Variants in GSK3B observed in about 807,000 individuals in gnomAD.
GSK3B encodes the protein glycogen synthase kinase-3 beta.
A neutral mutation model predicts 56.4 loss-of-function variants in GSK3B; 15 were observed. The observed-to-expected ratio is 0.27, with a 90% CI of 0.18 to 0.41. The LOEUF is 0.41. Among genes scored for constraint, GSK3B ranks in the 10% least tolerant of loss-of-function variants. GSK3B has a pLI of 1.00. For synonymous variants in GSK3B, 181 were observed against 188.9 expected (o/e 0.96, Z 0.34); for missense variants, 300 against 513.4 (o/e 0.58, Z 4.02).
At chr3:119,898,873 A>G (rs1576184122) in intron 7 of GSK3B, among the ~76,000 whole-genome samples, 1 of 152,196 alleles carries the variant, frequency 6.6e-6, no homozygotes, top group Non-Finnish European at 1.5e-5. Context: ...GATATACTGT[A>G]AAGTTCTGTG....
At position 119,993,190 on chromosome 3, in the gene GSK3B, A is replaced by C. The variant is rs2057582493; in HGVS notation, c.282+8856T>G. ...GCACAAACGAGCAGGTATGTGTAAAACAAAACTGAGGAAAAGTAAGCCAGA... is the reference window on the plus strand; with the variant it reads ...GCACAAACGAGCAGGTATGTGTAAACCAAAACTGAGGAAAAGTAAGCCAGA... On this transcript the variant is annotated intron_variant, in intron 2 of 10. Coordinates refer to ENST00000264235, the MANE Select transcript of GSK3B (RefSeq NM_001146156.2). Among the ~76,000 whole-genome samples, 3 of 152,096 alleles carry C rather than the reference A, an allele frequency of 2.0e-5. 1 individual carries two copies. In the South Asian group the frequency reaches 6.2e-4, roughly 31 times the overall value.
At chr3:119,909,531 CCTGG>C (rs566369694) in intron 6 of GSK3B, among the ~76,000 whole-genome samples, 78 of 152,344 alleles carry the variant, frequency 5.1e-4, no homozygotes, top group African/African-American at 1.8e-3. Flanking sequence ...TCTGTTCACT[CCTGG>C]CTAGTGGGCT....
At chr3:120,078,060 A>G (rs770715975) in intron 1 of GSK3B, among the ~76,000 whole-genome samples, 29 of 152,280 alleles carry the variant, frequency 1.9e-4, no homozygotes, top group African/African-American at 6.0e-4. Context: ...CTGAATCTGA[A>G]TTCTAAAATT....
chr3:119,884,675 AT>A (rs2056415133), intron 7 of GSK3B, among the ~76,000 whole-genome samples: 4 of 141,446 alleles, frequency 2.8e-5, no homozygotes, highest in African/African-American at 8.1e-5. Flanking sequence ...TTAAAAAGTC[AT>A]TTTCTTAAAC....
intron 9 of GSK3B, among the ~76,000 whole-genome samples, chr3:119,853,658 C>T (rs985632919): frequency 1.3e-5 from 2 of 152,068 alleles, no homozygotes; most frequent in Non-Finnish European, 2.9e-5. Flanking sequence ...GTTGGATTCC[C>T]AGGTATTTTA....
chr3:120,004,307 T>C (rs192724730), intron 1 of GSK3B, among the ~76,000 whole-genome samples: 1 of 152,348 alleles, frequency 6.6e-6, no homozygotes, highest in Admixed American at 6.5e-5. Context: ...CAAGGCCTAC[T>C]GCCTCTCTAG....
chr3:120,047,937 T>C (rs994400410), intron 1 of GSK3B, among the ~76,000 whole-genome samples: 3 of 152,208 alleles, frequency 2.0e-5, no homozygotes, highest in African/African-American at 7.2e-5. Context: ...TACCTCCAAG[T>C]GTTTTTTAAG....
At chr3:119,969,968 G>T (rs1488990788) in intron 2 of GSK3B, among the ~76,000 whole-genome samples, 1 of 152,108 alleles carries the variant, frequency 6.6e-6, no homozygotes, top group Non-Finnish European at 1.5e-5. Context: ...TGTCCATACT[G>T]AACATGTTAC....
intron 2 of GSK3B, among the ~76,000 whole-genome samples, chr3:119,968,584 G>A (rs2057339604): frequency 6.6e-6 from 1 of 152,052 alleles, no homozygotes. Context: ...AAAAGCATTT[G>A]GTAAAATTCA....
At chr3:119,986,929 A>G (rs2057521906) in intron 2 of GSK3B, among the ~76,000 whole-genome samples, 1 of 152,204 alleles carries the variant, frequency 6.6e-6, no homozygotes, top group African/African-American at 2.4e-5. Flanking sequence ...ACCAACGCAA[A>G]TGTCCATCAA....
At chr3:119,836,558 C>T (rs776225589) in intron 10 of GSK3B, among the ~76,000 whole-genome samples, 1 of 152,006 alleles carries the variant, frequency 6.6e-6, no homozygotes, top group African/African-American at 2.4e-5. Context: ...GAAATTTCCC[C>T]GTCTTAAAAA....
intron 1 of GSK3B, among the ~76,000 whole-genome samples, chr3:120,073,179 C>T (rs1353495215): frequency 1.4e-5 from 2 of 147,006 alleles, no homozygotes; most frequent in East Asian, 4.0e-4. Context: ...TTAAGCCCAG[C>T]CTGGACAACA....
At chr3:119,970,454 A>T (rs1228188137) in intron 2 of GSK3B, among the ~76,000 whole-genome samples, 1 of 152,120 alleles carries the variant, frequency 6.6e-6, no homozygotes, top group Non-Finnish European at 1.5e-5. Flanking sequence ...AAGCCTTGGG[A>T]TACCCTGCTG....
chr3:120,000,194 GAACAGTCTGAAT>G (rs2057662414), intron 2 of GSK3B, among the ~76,000 whole-genome samples: 1 of 152,120 alleles, frequency 6.6e-6, no homozygotes, highest in Non-Finnish European at 1.5e-5. Flanking sequence ...TGAGCAAATG[GAACAGTCTGAAT>G]AACAGTGAAT....
intron 1 of GSK3B, among the ~76,000 whole-genome samples, chr3:120,081,073 A>C (rs995862437): frequency 6.6e-6 from 1 of 152,110 alleles, no homozygotes; most frequent in Non-Finnish European, 1.5e-5. Flanking sequence ...TAGTAGCGTC[A>C]TATGCTCAAT....
intron 6 of GSK3B, among the ~76,000 whole-genome samples, chr3:119,908,579 G>C (rs1344338001): frequency 6.6e-6 from 1 of 152,152 alleles, no homozygotes; most frequent in Non-Finnish European, 1.5e-5. Context: ...AATATTCTTT[G>C]TACTATTTTT....
chr3:119,911,278 A>G (rs535616716), intron 6 of GSK3B, among the ~76,000 whole-genome samples: 4 of 152,314 alleles, frequency 2.6e-5, no homozygotes, highest in East Asian at 3.9e-4. Flanking sequence ...CTGGAGTAGT[A>G]GGTCTCAGCA....
chr3:119,855,543 G>A (rs1019102949), intron 9 of GSK3B, among the ~76,000 whole-genome samples: 8 of 152,108 alleles, frequency 5.3e-5, no homozygotes, highest in Non-Finnish European at 8.8e-5. Flanking sequence ...AGTTTATTGC[G>A]GCACTATTCA....
intron 3 of GSK3B, among the ~76,000 whole-genome samples, chr3:119,940,873 T>G (rs904378120): frequency 2.6e-5 from 4 of 152,202 alleles, no homozygotes; most frequent in African/African-American, 9.6e-5. Context: ...TCTCTCCATC[T>G]CCTCTTCATA....
Sources: allele counts gnomAD v4.1 joint callset (sites outside exome capture counted in the v4.1 genomes callset), GRCh38; gene constraint gnomAD v4.1.1; transcripts MANE v1.5; gene names NCBI Gene and HGNC (gene_info 2026-07-23, HGNC 2026-07-21).